Variants in KLRF2 observed in about 807,000 individuals in gnomAD.
The protein encoded by KLRF2 is killer cell lectin like receptor F2.
Under a neutral mutation model 25.3 loss-of-function variants are expected in KLRF2, and 28 were observed. That is an observed-to-expected ratio of 1.11 (90% CI 0.82 to 1.52). The LOEUF (loss-of-function observed/expected upper bound fraction) is 1.52. Ranked by LOEUF, KLRF2 falls within the 40% of genes most tolerant of loss-of-function variation. The pLI is 0.00. For synonymous variants in KLRF2, 73 were observed against 85.0 expected, an observed-to-expected ratio of 0.86 and a Z score of 0.78; for missense variants, 265 against 245.8, an observed-to-expected ratio of 1.08 and a Z score of -0.52.
chr12:9,891,236 G>A (rs1185362370), intron 3 of KLRF2, among the ~76,000 whole-genome samples: 3 of 149,482 alleles, frequency 2.0e-5, no homozygotes, highest in Admixed American at 6.7e-5. Flanking sequence ...TGTGTATGTT[G>A]TTATTATTAT....
At chr12:9,881,881 G>A (rs1166138276) in intron 1 of KLRF2, among the ~76,000 whole-genome samples, 2 of 152,086 alleles carry the variant, frequency 1.3e-5, no homozygotes, top group African/African-American at 4.8e-5. Flanking sequence ...CGAATATGAC[G>A]ATGTGTAATC....
chr12:9,884,887 AT>A, intron 1 of KLRF2, 46 bp from the exon 2 acceptor site: 1 of 601,190 alleles, frequency 1.7e-6, no homozygotes. Context: ...ACAGAAAAAT[AT>A]TTATAAAGTG....
intron 2 of KLRF2, among the ~76,000 whole-genome samples, chr12:9,885,264 A>T (rs1279301263): frequency 2.6e-5 from 4 of 151,712 alleles, no homozygotes; most frequent in South Asian, 2.1e-4. Flanking sequence ...TCTTATAATT[A>T]AAAAAGTAAT....
chr12:9,882,777 T>C (rs1053336085), intron 1 of KLRF2, among the ~76,000 whole-genome samples: 3 of 110,858 alleles, frequency 2.7e-5, no homozygotes, highest in Non-Finnish European at 6.4e-5. Flanking sequence ...CAAGACTCCA[T>C]ATATAAAAAA....
At position 9,894,126 on chromosome 12, in the gene KLRF2, TTCTCTCTC is replaced by T. The variant is rs141327204; in HGVS notation, c.479+606_479+613del. On this transcript the variant is annotated intron_variant, in intron 5 of 5. Transcript: ENST00000535540. The stretch of plus-strand genomic sequence containing the variant: ...CTCTTTTTCTTTTTCTTTCTTTTCT[TTCTCTCTC>T]TCTCTCTCTCTCTCTCTCTCCCTCC... Among the ~76,000 whole-genome samples the T allele has an allele frequency of 3.1e-3, 407 of 130,290 alleles. 3 individuals carry two copies. Among genetic ancestry groups the T allele is most frequent in the African/African-American group, 0.011 (366 of 33,856 alleles). 85.5% of individuals were successfully genotyped at this position (130,290 alleles called of 152,430 possible). A position where few individuals can be genotyped will look rare whatever the true frequency, so the allele number is the denominator to read the frequency against.
At chr12:9,893,258 G>A (rs75483175) in intron 4 of KLRF2, 90 bp downstream of exon 4, 20 of 1,250,206 alleles carry the variant, frequency 1.6e-5, no homozygotes, top group South Asian at 1.4e-4. Flanking sequence ...GTTTATTGTC[G>A]TTGCTTCTGA....
intron 3 of KLRF2, among the ~76,000 whole-genome samples, chr12:9,888,996 T>C (rs559184698): frequency 1.3e-5 from 2 of 151,984 alleles, no homozygotes; most frequent in Non-Finnish European, 2.9e-5. Context: ...GGAAAAAAAA[T>C]AGGGTTTTAG....
chr12:9,886,224 T>C (rs1162824130), intron 2 of KLRF2, among the ~76,000 whole-genome samples: 7 of 152,174 alleles, frequency 4.6e-5, no homozygotes, highest in Admixed American at 4.6e-4. Flanking sequence ...TGTGTGTTTC[T>C]ATAAAATTTG....
intron 1 of KLRF2, among the ~76,000 whole-genome samples, chr12:9,883,250 A>G (rs1487835661): frequency 1.3e-5 from 2 of 152,200 alleles, no homozygotes; most frequent in Admixed American, 6.5e-5. Context: ...TAAATCAGAA[A>G]AAATATTTTC....
intron 3 of KLRF2, 74 bp downstream of exon 3, chr12:9,888,854 C>A (rs1015469995): frequency 1.5e-5 from 13 of 870,306 alleles, no homozygotes; most frequent in Admixed American, 6.2e-5. Context: ...TCCTGGCGTT[C>A]ACCCATGTTA....
chr12:9,887,284 A>C (rs1862609458), intron 2 of KLRF2, among the ~76,000 whole-genome samples: 1 of 152,176 alleles, frequency 6.6e-6, no homozygotes, highest in African/African-American at 2.4e-5. Context: ...ATGATAGATT[A>C]GATAGATAAA....
chr12:9,895,451 T>C (rs1862745959), intron 5 of KLRF2, among the ~76,000 whole-genome samples: 1 of 151,898 alleles, frequency 6.6e-6, no homozygotes, highest in Admixed American at 6.6e-5. Context: ...TAATGAGAGG[T>C]TTGAGAGGTA....
At chr12:9,882,009 C>T (rs909793294) in intron 1 of KLRF2, among the ~76,000 whole-genome samples, 4 of 151,514 alleles carry the variant, frequency 2.6e-5, no homozygotes, top group African/African-American at 9.7e-5. Context: ...TATATATATG[C>T]TTATATATAT....
intron 2 of KLRF2, among the ~76,000 whole-genome samples, chr12:9,885,369 C>T (rs1203082273): frequency 2.0e-5 from 3 of 151,314 alleles, no homozygotes; most frequent in African/African-American, 7.3e-5. Flanking sequence ...ATCTGAAAAC[C>T]ATTTTAGGTA....
intron 2 of KLRF2, among the ~76,000 whole-genome samples, 153 bp from the exon 3 acceptor site, chr12:9,888,580 T>A (rs550841457): frequency 6.6e-6 from 1 of 152,286 alleles, no homozygotes; most frequent in Admixed American, 6.5e-5. Context: ...CGTAGTTAAA[T>A]CTGGGGAAGA....
intron 2 of KLRF2, among the ~76,000 whole-genome samples, chr12:9,886,753 C>T (rs1451232636): frequency 1.6e-5 from 2 of 124,324 alleles, no homozygotes; most frequent in Admixed American, 9.4e-5. Context: ...GATTTTGCCC[C>T]TATATCATGC....
In KLRF2 at chr12:9,893,028, TA is replaced by T; in HGVS notation, c.227del (p.Tyr76SerfsTer9). On this transcript the variant is annotated frameshift_variant, in exon 4 of 6. Transcript: ENST00000535540. LOFTEE classifies it high-confidence loss of function. ...VNVSSLSGHN[Y>X]LCPNDWLLNE... ...CCTATGTTTTCCTTTAGGACACAAT[TA>T]CTTGTGCCCAAATGACTGGCTGTTG... 6.5e-7 allele frequency: 1 copy of T among 1,535,412 alleles called. No individual in the cohort carries two copies. Among genetic ancestry groups the T allele is most frequent in the Non-Finnish European group, 8.7e-7 (1 of 1,146,418 alleles).
intron 5 of KLRF2, among the ~76,000 whole-genome samples, chr12:9,894,128 C>CTT (rs1279182341): frequency 5.0e-5 from 5 of 99,964 alleles, no homozygotes; most frequent in Admixed American, 3.3e-4. Flanking sequence ...TCTTTTCTTT[C>CTT]TCTCTCTCTC....
chr12:9,888,683 G>T, intron 2 of KLRF2, 50 bp from the exon 3 acceptor site: 1 of 1,027,088 alleles, frequency 9.7e-7, no homozygotes, highest in South Asian at 1.4e-5. Flanking sequence ...TACCTAGATT[G>T]CTATTGATTT....
Sources: allele counts gnomAD v4.1 joint callset (sites outside exome capture counted in the v4.1 genomes callset), GRCh38; gene constraint gnomAD v4.1.1; transcripts MANE v1.5; gene names NCBI Gene and HGNC (gene_info 2026-07-23, HGNC 2026-07-21).